Variants in SAP130 observed in about 807,000 individuals in gnomAD.
The protein encoded by SAP130 is histone deacetylase complex subunit SAP130.
In SAP130, 16 loss-of-function variants were observed where a neutral mutation model predicts 103.2. That is an observed-to-expected ratio of 0.16 (90% CI 0.10 to 0.24). The LOEUF is 0.24. Among genes scored for constraint, SAP130 ranks in the 10% least tolerant of loss-of-function variants. The probability of loss-of-function intolerance (pLI) is 1.00; values close to 1 mark genes in which losing one functional copy is unlikely to be tolerated. For synonymous variants in SAP130, 477 were observed against 497.0 expected (o/e 0.96, Z 0.53); for missense variants, 990 against 1,359.7 (o/e 0.73, Z 4.28).
intron 15 of SAP130, among the ~76,000 whole-genome samples, chr2:127,962,930 A>G (rs556897721): frequency 5.6e-4 from 85 of 151,978 alleles, no homozygotes; most frequent in Admixed American, 1.6e-3. Context: ...CATAGAATAA[A>G]CTAGAAATAA....
At chr2:128,004,866 A>G (rs1683846080) in intron 7 of SAP130, among the ~76,000 whole-genome samples, 1 of 152,198 alleles carries the variant, frequency 6.6e-6, no homozygotes, top group Non-Finnish European at 1.5e-5. Flanking sequence ...AAATTTATCC[A>G]AACCCAGTAT....
Position 128,028,051 on chromosome 2 carries a change from T to G in SAP130, c.-118A>C. ...GGACCCGCAGCCACCGCCGGGGAGCTAGCACTCTGCCCCCCACCCCTCACT... is the reference window on the plus strand; with the variant it reads ...GGACCCGCAGCCACCGCCGGGGAGCGAGCACTCTGCCCCCCACCCCTCACT... On this transcript the variant is annotated 5_prime_UTR_variant, in exon 1 of 21. Transcript: ENST00000643581. The G allele has an allele frequency of 1.1e-6, 1 of 869,842 alleles. No homozygotes were observed. Among genetic ancestry groups the G allele is most frequent in the African/African-American group, 1.8e-5 (1 of 55,082 alleles). 53.9% of individuals were successfully genotyped at this position (869,842 alleles called of 1,614,324 possible).
intron 14 of SAP130, among the ~76,000 whole-genome samples, chr2:127,983,616 T>C (rs974992197): frequency 6.6e-6 from 1 of 152,048 alleles, no homozygotes; most frequent in Non-Finnish European, 1.5e-5. Flanking sequence ...TGGAGTGTCA[T>C]GTGATGACAG....
intron 15 of SAP130, among the ~76,000 whole-genome samples, chr2:127,976,941 C>T (rs1047117605): frequency 6.6e-6 from 1 of 151,990 alleles, no homozygotes; most frequent in African/African-American, 2.4e-5. Flanking sequence ...AATCTATCTA[C>T]ATGTGTATGC....
At chr2:128,026,140 T>C (rs1480175665) in intron 2 of SAP130, 41 bp downstream of exon 2, 3 of 1,363,792 alleles carry the variant, frequency 2.2e-6, no homozygotes, top group South Asian at 1.3e-5. Context: ...GGTAATATTC[T>C]TAAAGTAGGA....
At position 127,999,815 on chromosome 2, in the gene SAP130, C is replaced by A; in HGVS notation, c.1139G>T (p.Ser380Ile). 1 of 1,535,506 alleles carries A rather than the reference C, an allele frequency of 6.5e-7. No homozygotes were observed. Residue 380 changes from serine (S) to isoleucine (I), a missense_variant, in exon 10 of 21, where the codon AGT becomes ATT. Around this residue, in one of 6 missense-constraint regions of SAP130, gnomAD observed 336 missense variants for 520.1 expected, o/e 0.65. Coordinates refer to ENST00000643581, the MANE Select transcript of SAP130 (RefSeq NM_001330301.2). ...GSVSHTQAPT[S>I]TIVTMTVPSH... is the part of the protein sequence containing the mutation. ...GGGTACTGTCATGGTAACAATGGTACTTGTGGGAGCTTGCGTGTGTGACAC... is the reference window on the plus strand; with the variant it reads ...GGGTACTGTCATGGTAACAATGGTAATTGTGGGAGCTTGCGTGTGTGACAC...
Position 128,013,017 on chromosome 2 carries a change from G to A in SAP130, c.744+13C>T, listed in dbSNP as rs1684513234. 1 of 1,602,108 alleles carries A rather than the reference G, an allele frequency of 6.2e-7. No homozygotes were observed. The highest frequency in any genetic ancestry group is 8.5e-7 in the Non-Finnish European group (1 of 1,174,076). On this transcript the variant is annotated intron_variant, in intron 6 of 20. Coordinates refer to ENST00000643581, the MANE Select transcript of SAP130 (RefSeq NM_001330301.2). ...CCAATGAGGCCCTTAATGCACCCCA[G>A]GCTCCGACGTGCCTGGATTGGTTGG...
At chr2:128,001,726 C>A (rs1390691430) in intron 7 of SAP130, among the ~76,000 whole-genome samples, 1 of 152,056 alleles carries the variant, frequency 6.6e-6, no homozygotes, top group Non-Finnish European at 1.5e-5. Context: ...GTAGGTAACA[C>A]CATCTAGGTT....
intron 3 of SAP130, among the ~76,000 whole-genome samples, chr2:128,017,432 A>G (rs1313828269): frequency 1.3e-5 from 2 of 152,208 alleles, no homozygotes; most frequent in East Asian, 1.9e-4. Context: ...TAACATGCCC[A>G]TAAGTTGAAT....
In SAP130 at chr2:128,016,476, G is replaced by T; in HGVS notation, c.420C>A (p.Pro140=). 1 of 1,613,898 alleles carries T rather than the reference G, an allele frequency of 6.2e-7. No homozygotes were observed. Among genetic ancestry groups the T allele is most frequent in the South Asian group, 1.1e-5 (1 of 91,054 alleles). ...TAACGGTAACCTGCCCTGGAACCTT[G>T]GGGGGAAGTGACAGGGTAGAAGGTG... ...PAPPSTLSLP[P]KVPGQVTVTM... The change falls in exon 4 of 21, where the codon CCC becomes CCA. Residue 140 remains proline (P), a synonymous_variant. Transcript: ENST00000643581.
intron 14 of SAP130, among the ~76,000 whole-genome samples, chr2:127,981,479 C>T (rs1435756589): frequency 1.1e-4 from 14 of 132,478 alleles, no homozygotes; most frequent in East Asian, 2.4e-4. Context: ...CCTGCACCCC[C>T]GACTCAGCTC....
At chr2:127,960,821 C>T (rs1573660811) in intron 15 of SAP130, among the ~76,000 whole-genome samples, 1 of 152,180 alleles carries the variant, frequency 6.6e-6, no homozygotes, top group East Asian at 1.9e-4. Context: ...AATGCAATAA[C>T]TGAATTCTAG....
At chr2:127,965,421 G>A (rs913719745) in intron 15 of SAP130, among the ~76,000 whole-genome samples, 1 of 152,068 alleles carries the variant, frequency 6.6e-6, no homozygotes, top group African/African-American at 2.4e-5. Context: ...AGCCAAGCCA[G>A]GATTGTGCCA....
At chr2:128,015,668 G>A (rs1454858933) in intron 4 of SAP130, among the ~76,000 whole-genome samples, 3 of 152,164 alleles carry the variant, frequency 2.0e-5, no homozygotes, top group Admixed American at 6.5e-5. Context: ...AAGGCTGGGT[G>A]CGGTGGCTCA....
intron 3 of SAP130, among the ~76,000 whole-genome samples, chr2:128,017,276 C>G (rs1185111007): frequency 6.6e-6 from 1 of 152,042 alleles, no homozygotes; most frequent in African/African-American, 2.4e-5. Flanking sequence ...GAGCCAAGAT[C>G]GCACCACTGC....
rs575486225 is a variant in SAP130 at position 127,986,728 on chromosome 2, G to A, written c.1958+57C>T. ...AGCATTAGATAAGAGTGCCTATTAT[G>A]TATACCAGTTATATCCAGAACCAGA... On this transcript the variant is annotated intron_variant, in intron 14 of 20. Transcript: ENST00000643581. This position sits in a 1 kb window ranked among gnomAD's most constrained non-coding sequence, Gnocchi z 4.7. 4.2e-5 allele frequency: 65 copies of A among 1,536,284 alleles called. No homozygotes were observed. The African/African-American group carries it at 8.2e-4, about 19-fold the overall frequency.
intron 15 of SAP130, among the ~76,000 whole-genome samples, chr2:127,957,132 T>G (rs911175334): frequency 6.6e-6 from 1 of 152,046 alleles, no homozygotes; most frequent in African/African-American, 2.4e-5. Context: ...AAGACCCCAT[T>G]TCTTAAAAAA....
chr2:127,996,601 G>T lies in SAP130; in HGVS notation c.1214-110C>A. ...GAAAGCAAACAATTAAAATAAGCCTGGATTTTTAATCAAAATAAAAAATGA... is the reference window on the plus strand; with the variant it reads ...GAAAGCAAACAATTAAAATAAGCCTTGATTTTTAATCAAAATAAAAAATGA... On this transcript the variant is annotated intron_variant, in intron 10 of 20. Transcript: ENST00000643581. This position sits in a 1 kb window ranked among gnomAD's most constrained non-coding sequence, Gnocchi z 4.3. 4 of 990,058 alleles carry T rather than the reference G, an allele frequency of 4.0e-6. No individual in the cohort carries two copies. The highest frequency in any genetic ancestry group is 4.8e-5 in the South Asian group (2 of 41,828). The allele number at this position is 990,058 out of a possible 1,614,324, so 61.3% of individuals were successfully genotyped here.
intron 15 of SAP130, among the ~76,000 whole-genome samples, chr2:127,964,386 C>T (rs943360626): frequency 2.0e-5 from 3 of 149,028 alleles, no homozygotes; most frequent in South Asian, 2.1e-4. Context: ...CCCAGCTACT[C>T]GGGAGGCTGA....
Sources: allele counts gnomAD v4.1 joint callset (sites outside exome capture counted in the v4.1 genomes callset), GRCh38; gene constraint gnomAD v4.1.1; regional missense constraint gnomAD v4.1.1; non-coding constraint Gnocchi (gnomAD v3.1); transcripts MANE v1.5; gene names NCBI Gene and HGNC (gene_info 2026-07-23, HGNC 2026-07-21).